Variants in EXOC6 observed in about 807,000 individuals in gnomAD.
EXOC6 encodes the protein exocyst complex component 6, also known as SEC15-like 1.
A neutral mutation model predicts 112.5 loss-of-function variants in EXOC6; 60 were observed. The ratio of observed to expected loss-of-function variants is 0.53; its 90% CI spans 0.43 to 0.66. The LOEUF (loss-of-function observed/expected upper bound fraction) is 0.66. EXOC6 is among the 30% of genes least tolerant of loss of function. EXOC6 has a pLI of 0.00. For synonymous variants in EXOC6, 295 were observed against 308.0 expected (o/e 0.96, Z 0.44); for missense variants, 855 against 957.1 (o/e 0.89, Z 1.41).
intron 17 of EXOC6, among the ~76,000 whole-genome samples, chr10:92,956,362 T>C (rs975374648): frequency 2.0e-5 from 3 of 152,144 alleles, no homozygotes; most frequent in African/African-American, 2.4e-5. Flanking sequence ...TGATCACTTA[T>C]CTGTAAAATG....
rs1850035100 is a variant in EXOC6 at position 92,899,468 on chromosome 10, A to T, written c.413-131A>T. 5.0e-6 allele frequency: 3 copies of T among 596,968 alleles called. No individual in the cohort carries two copies. In the African/African-American group the frequency reaches 5.6e-5, roughly 11 times the overall value. The allele number at this position is 596,968 out of a possible 1,614,324, so 37.0% of individuals were successfully genotyped here. ...TGAAGTATTTAACATTTTATTTGAA[A>T]ATATTAGCCTAACTCAAGTTGTAGA... On this transcript the variant is annotated intron_variant, in intron 4 of 21. Coordinates refer to ENST00000260762, the MANE Select transcript of EXOC6 (RefSeq NM_019053.6).
chr10:92,902,136 T>A (rs925866053), intron 5 of EXOC6, among the ~76,000 whole-genome samples: 2 of 152,152 alleles, frequency 1.3e-5, no homozygotes, highest in Non-Finnish European at 2.9e-5. Flanking sequence ...CTACCTTTTC[T>A]CTCTTTTAGA....
chr10:92,950,186 C>G (rs1218690376), intron 14 of EXOC6, among the ~76,000 whole-genome samples: 2 of 152,048 alleles, frequency 1.3e-5, no homozygotes, highest in Non-Finnish European at 2.9e-5. Context: ...AAATAAATCT[C>G]ATAAATTATT....
chr10:92,886,515 T>C (rs1008391281), intron 1 of EXOC6, among the ~76,000 whole-genome samples: 1 of 152,360 alleles, frequency 6.6e-6, no homozygotes, highest in South Asian at 2.1e-4. Context: ...GTTGCTATGC[T>C]GGTAACTTCC....
intron 20 of EXOC6, among the ~76,000 whole-genome samples, chr10:93,051,491 A>G (rs1043467921): frequency 6.6e-6 from 1 of 152,320 alleles, no homozygotes; most frequent in South Asian, 2.1e-4. Flanking sequence ...TGGAGGCACA[A>G]TACTGTTTTG....
chr10:92,972,986 G>T (rs1842359056), intron 17 of EXOC6, among the ~76,000 whole-genome samples: 1 of 152,100 alleles, frequency 6.6e-6, no homozygotes, highest in Admixed American at 6.5e-5. Flanking sequence ...TTCCTTTTAA[G>T]CCCTTTGGTT....
intron 1 of EXOC6, among the ~76,000 whole-genome samples, chr10:92,827,474 CAAAA>C (rs60863083): frequency 3.2e-3 from 105 of 33,184 alleles, no homozygotes; most frequent in South Asian, 8.0e-3. Flanking sequence ...GCCCTGTTGC[CAAAA>C]AAAAAAAAAA....
upstream of EXOC6, among the ~76,000 whole-genome samples, chr10:92,845,552 C>CA (rs1169907413): frequency 0.13 from 8,431 of 65,062 alleles, 410 homozygotes; most frequent in African/African-American, 0.17. Flanking sequence ...GACTCCATCT[C>CA]AAAAAAAAAA....
At chr10:92,937,387 C>T (rs1473465889) in intron 12 of EXOC6, among the ~76,000 whole-genome samples, 1 of 152,138 alleles carries the variant, frequency 6.6e-6, no homozygotes, top group African/African-American at 2.4e-5. Flanking sequence ...GAATCTTTTT[C>T]CCCCTTAGAA....
intron 18 of EXOC6, among the ~76,000 whole-genome samples, chr10:92,995,351 TA>T (rs1369129872): frequency 6.6e-6 from 1 of 152,184 alleles, no homozygotes; most frequent in Non-Finnish European, 1.5e-5. Context: ...TGTTAAATTT[TA>T]AAAGTTTACA....
intron 13 of EXOC6, among the ~76,000 whole-genome samples, chr10:92,942,208 T>C (rs1304207634): frequency 6.6e-6 from 1 of 152,070 alleles, no homozygotes; most frequent in East Asian, 1.9e-4. Context: ...CTGGACAACA[T>C]AGTAAGACCT....
intron 1 of EXOC6, among the ~76,000 whole-genome samples, chr10:92,891,533 G>A (rs539887523): frequency 2.5e-3 from 377 of 152,240 alleles, no homozygotes; most frequent in Admixed American, 4.7e-3. Flanking sequence ...CCAGGCTGGG[G>A]TGCAGTAGTA....
chr10:92,914,385 C>T (rs754870513), intron 6 of EXOC6, among the ~76,000 whole-genome samples: 3 of 152,060 alleles, frequency 2.0e-5, no homozygotes, highest in East Asian at 1.9e-4. Flanking sequence ...TAAAGTTAAG[C>T]GGATTTCTTT....
rs149143394 is a variant in EXOC6 at position 92,834,798 on chromosome 10, C to T, written c.60C>T (p.Phe20=). 918 of 1,610,142 alleles carry T rather than the reference C, an allele frequency of 5.7e-4. 6 individuals are homozygous for T. Among genetic ancestry groups the T allele is most frequent in the East Asian group, 2.5e-4 (11 of 44,860 alleles). The change falls in exon 1 of 22, where the codon TTC becomes TTT. Residue 20 remains phenylalanine, a synonymous_variant. Transcript: ENST00000371552. Reference sequence around the variant, plus strand: ...ATGTCCTGGCTGAGATTCAGTCTTTCGAACTGCCTGTTGAAGCTACTTTAA... The same window carrying T: ...ATGTCCTGGCTGAGATTCAGTCTTTTGAACTGCCTGTTGAAGCTACTTTAA...
intron 1 of EXOC6, among the ~76,000 whole-genome samples, chr10:92,881,746 A>G (rs1461460740): frequency 6.6e-6 from 1 of 152,134 alleles, no homozygotes; most frequent in African/African-American, 2.4e-5. Flanking sequence ...CCCAATAGTC[A>G]TGAGATGGAC....
chr10:92,919,255 C>T (rs1851292403), intron 7 of EXOC6, among the ~76,000 whole-genome samples: 1 of 152,132 alleles, frequency 6.6e-6, no homozygotes, highest in Non-Finnish European at 1.5e-5. Flanking sequence ...ATCTATTTTA[C>T]TACTATACTG....
intron 20 of EXOC6, among the ~76,000 whole-genome samples, chr10:93,033,383 T>G (rs1191830139): frequency 3.9e-5 from 6 of 152,190 alleles, no homozygotes; most frequent in Non-Finnish European, 5.9e-5. Context: ...TACAGATAGT[T>G]GAATTTACCC....
chr10:93,051,088 CAAAAT>C (rs780980610), intron 20 of EXOC6, among the ~76,000 whole-genome samples: 13 of 149,568 alleles, frequency 8.7e-5, no homozygotes, highest in South Asian at 2.1e-4. Flanking sequence ...AGAAAAAAAT[CAAAAT>C]AAAGCAAATA....
At chr10:93,051,520 A>T (rs1427344497) in intron 20 of EXOC6, among the ~76,000 whole-genome samples, 1 of 152,196 alleles carries the variant, frequency 6.6e-6, no homozygotes, top group Non-Finnish European at 1.5e-5. Context: ...TATTGTAGTT[A>T]TTGCCTATGC....
Sources: gnomAD v4.1 joint callset for allele counts (sites outside exome capture counted in the v4.1 genomes callset) on GRCh38, gnomAD v4.1.1 for gene constraint, MANE v1.5 for transcripts, NCBI Gene and HGNC (gene_info 2026-07-23, HGNC 2026-07-21) for gene names.